The following FOLH1 variants were observed in gnomAD, a reference collection of about 807,000 sequenced individuals.
FOLH1 encodes folate hydrolase 1.
In FOLH1, 54 loss-of-function variants were observed where a neutral mutation model predicts 93.9. The ratio of observed to expected loss-of-function variants is 0.57; its 90% confidence interval spans 0.46 to 0.72. The LOEUF (loss-of-function observed/expected upper bound fraction) is 0.72, where lower values mean the gene tolerates loss of function less well. FOLH1 is among the 30% of genes least tolerant of loss of function. FOLH1 has a pLI of 0.00. For synonymous variants in FOLH1, 249 were observed against 303.6 expected (o/e 0.82, Z 1.87); for missense variants, 571 against 892.5 (o/e 0.64, Z 4.59).
intron 2 of FOLH1, among the ~76,000 whole-genome samples, chr11:49,201,972 G>T (rs1452050969): frequency 6.6e-6 from 1 of 152,172 alleles, no homozygotes; most frequent in Non-Finnish European, 1.5e-5. Context: ...TCAGGGTTGG[G>T]ACTCACTCAT....
chr11:49,204,226 C>T (rs1863601678), intron 2 of FOLH1, among the ~76,000 whole-genome samples: 1 of 152,214 alleles, frequency 6.6e-6, no homozygotes, highest in African/African-American at 2.4e-5. Flanking sequence ...GGCCTTCTCT[C>T]ACCTTCATGT....
chr11:49,175,858 C>T lies in FOLH1; in HGVS notation c.1019+1G>A. 6.2e-7 allele frequency: 1 copy of T among 1,612,104 alleles called. No individual in the cohort carries two copies. The highest frequency in any genetic ancestry group is 1.7e-5 in the Admixed American group (1 of 59,696). ...AGTTAAAATTAAAATAGTCTCTTAACTGTGTAGAAAAGTTTCCAGTAAAGC... is the reference window on the plus strand; with the variant it reads ...AGTTAAAATTAAAATAGTCTCTTAATTGTGTAGAAAAGTTTCCAGTAAAGC... On this transcript the variant is annotated splice_donor_variant, in intron 8 of 18. Transcript: ENST00000256999. LOFTEE classifies it high-confidence loss of function.
intron 6 of FOLH1, among the ~76,000 whole-genome samples, chr11:49,183,582 A>G (rs1490723678): frequency 6.6e-6 from 1 of 152,218 alleles, no homozygotes; most frequent in Admixed American, 6.5e-5. Context: ...CATAACAGCC[A>G]CATTTATATT....
chr11:49,145,603 A>T lies in FOLH1; in HGVS notation c.*1153T>A, dbSNP rs1359995451. On this transcript the variant is annotated 3_prime_UTR_variant, in exon 19 of 19. Transcript: ENST00000256999. ...AATTTGAAGCAGATTCTTCAAGGGC[A>T]ACACTACAGCGACTTCTTAACTTTG... Among the ~76,000 whole-genome samples, 1 of 152,192 alleles carries T rather than the reference A, an allele frequency of 6.6e-6. No individual in the cohort carries two copies. The highest frequency in any genetic ancestry group is 1.5e-5 in the Non-Finnish European group (1 of 68,030).
intron 1 of FOLH1, chr11:49,207,630 C>T (rs1276226249): frequency 8.5e-5 from 27 of 318,948 alleles, no homozygotes; most frequent in South Asian, 6.9e-4. Flanking sequence ...TTACTATTAC[C>T]AATAATTTGC....
chr11:49,147,378 A>G (rs1855885647), intron 18 of FOLH1, among the ~76,000 whole-genome samples: 1 of 151,954 alleles, frequency 6.6e-6, no homozygotes, highest in Non-Finnish European at 1.5e-5. Flanking sequence ...ATATCATGCT[A>G]CCCCCTATAT....
At chr11:49,173,226 C>G (rs1402521600) in intron 10 of FOLH1, 131 bp downstream of exon 10, 1 of 934,366 alleles carries the variant, frequency 1.1e-6, no homozygotes, top group African/African-American at 1.7e-5. Flanking sequence ...AACCAACCAA[C>G]ACTGAAAATT....
intron 2 of FOLH1, among the ~76,000 whole-genome samples, chr11:49,205,424 CATA>C (rs1410852272): frequency 2.6e-5 from 4 of 152,152 alleles, no homozygotes; most frequent in Admixed American, 2.6e-4. Context: ...TCATCCATAT[CATA>C]ATAAGATCAT....
intron 6 of FOLH1, among the ~76,000 whole-genome samples, chr11:49,184,605 A>T (rs950584690): frequency 6.6e-6 from 1 of 152,200 alleles, no homozygotes; most frequent in Non-Finnish European, 1.5e-5. Flanking sequence ...AAAGAAAAAA[A>T]TCTCTGACAA....
At chr11:49,172,646 G>A (rs896682102) in intron 10 of FOLH1, among the ~76,000 whole-genome samples, 1 of 152,074 alleles carries the variant, frequency 6.6e-6, no homozygotes, top group African/African-American at 2.4e-5. Flanking sequence ...TTGTTTTTAT[G>A]GTTGATAAAA....
Position 49,208,594 on chromosome 11 carries a change from G to A in FOLH1, c.-185C>T. 1 of 472,972 alleles carries A rather than the reference G, an allele frequency of 2.1e-6. No individual in the cohort carries two copies. Among genetic ancestry groups the A allele is most frequent in the Non-Finnish European group, 3.7e-6 (1 of 267,360 alleles). 29.3% of individuals were successfully genotyped at this position (472,972 alleles called of 1,614,324 possible). On this transcript the variant is annotated 5_prime_UTR_variant, in exon 1 of 19. Transcript: ENST00000256999. ...TTTCTCCACCACAGCAGTGTTTCTA[G>A]AGTGCACTGAACCAATCCGAGCGAG...
At chr11:49,190,617 T>G (rs1377770904) in intron 4 of FOLH1, among the ~76,000 whole-genome samples, 2 of 152,156 alleles carry the variant, frequency 1.3e-5, no homozygotes, top group Admixed American at 6.5e-5. Context: ...CTCCACCCCA[T>G]TAAACTTAGG....
intron 7 of FOLH1, among the ~76,000 whole-genome samples, chr11:49,179,220 G>A (rs1860450586): frequency 6.6e-6 from 1 of 152,206 alleles, no homozygotes; most frequent in Non-Finnish European, 1.5e-5. Context: ...GCAAGTGTAA[G>A]GCATGATGAC....
intron 15 of FOLH1, among the ~76,000 whole-genome samples, chr11:49,154,842 G>A (rs1217304601): frequency 5.3e-5 from 8 of 151,884 alleles, no homozygotes; most frequent in African/African-American, 9.7e-5. Context: ...AAAAGAAGAC[G>A]AATTGTTAAA....
chr11:49,165,633 G>C (rs969619144), intron 12 of FOLH1, among the ~76,000 whole-genome samples: 1 of 152,124 alleles, frequency 6.6e-6, no homozygotes, highest in African/African-American at 2.4e-5. Flanking sequence ...GGGGAAAAAT[G>C]GTATTTGCAG....
At position 49,185,871 on chromosome 11, in the gene FOLH1, T is replaced by C. The variant is rs763402663; in HGVS notation, c.640-16A>G. ...CATTTTTAACCTAGAAAACACAGTG[T>C]CTTTCTTTCCTTATTTTAAATTGGT... On this transcript the variant is annotated splice_polypyrimidine_tract_variant and intron_variant, in intron 5 of 18. Coordinates refer to ENST00000256999, the MANE Select transcript of FOLH1 (RefSeq NM_004476.3). The C allele has an allele frequency of 6.6e-7, 1 of 1,512,380 alleles. No homozygotes were observed. Among genetic ancestry groups the C allele is most frequent in the Non-Finnish European group, 8.8e-7 (1 of 1,135,322 alleles). The allele number at this position is 1,512,380 out of a possible 1,614,324, so 93.7% of individuals were successfully genotyped here. A position where few individuals can be genotyped will look rare whatever the true frequency, so the allele number is the denominator to read the frequency against.
chr11:49,184,722 A>G (rs1412129189), intron 6 of FOLH1, among the ~76,000 whole-genome samples: 1 of 152,260 alleles, frequency 6.6e-6, no homozygotes, highest in East Asian at 1.9e-4. Context: ...GTCATAGAAA[A>G]CTTGGCAAAG....
intron 7 of FOLH1, among the ~76,000 whole-genome samples, chr11:49,182,640 T>C (rs960300838): frequency 1.3e-5 from 2 of 152,180 alleles, no homozygotes; most frequent in African/African-American, 4.8e-5. Flanking sequence ...AGAAAGTCCT[T>C]AGACTGCAAG....
chr11:49,185,777 T>G lies in FOLH1; in HGVS notation c.718A>C (p.Lys240Gln). The G allele has an allele frequency of 6.2e-7, 1 of 1,610,128 alleles. No individual in the cohort carries two copies. Among genetic ancestry groups the G allele is most frequent in the South Asian group, 1.1e-5 (1 of 90,134 alleles). Reference protein sequence around the residue: ...DPADYFAPGVKSYPDGWNLPG... With the variant: ...DPADYFAPGVQSYPDGWNLPG... Reference sequence around the variant, plus strand: ...AGATTCCAACCATCTGGATAGGACTTCACCCCAGGAGCAAAGTAGTCAGCA... The same window carrying G: ...AGATTCCAACCATCTGGATAGGACTGCACCCCAGGAGCAAAGTAGTCAGCA... The change falls in exon 6 of 19, where the codon AAG (lysine) becomes CAG (glutamine). Residue 240 changes from lysine to glutamine, a missense_variant. By Grantham distance (53) the Lys-to-Gln change is moderately conservative (BLOSUM62 1). Around this residue, in one of 2 missense-constraint regions of FOLH1, gnomAD observed 500 missense variants for 822.9 expected, o/e 0.61. Transcript: ENST00000256999.
Sources: allele counts gnomAD v4.1 joint callset (sites outside exome capture counted in the v4.1 genomes callset), GRCh38; gene constraint gnomAD v4.1.1; regional missense constraint gnomAD v4.1.1; transcripts MANE v1.5; gene names NCBI Gene and HGNC (gene_info 2026-07-23, HGNC 2026-07-21).